The following ENPP2 variants were observed in gnomAD, a reference collection of about 807,000 sequenced individuals.
The protein encoded by ENPP2 is ectonucleotide pyrophosphatase/phosphodiesterase 2, also known as autotaxin.
In ENPP2, 51 loss-of-function variants were observed where a neutral mutation model predicts 120.2. The ratio of observed to expected loss-of-function variants is 0.42; its 90% CI spans 0.34 to 0.54. The LOEUF (loss-of-function observed/expected upper bound fraction) is 0.54. Ranked by LOEUF, ENPP2 falls within the 20% of genes least tolerant of loss-of-function variation. The pLI is 0.04. For synonymous variants in ENPP2, 365 were observed against 366.4 expected, an observed-to-expected ratio of 1.00 and a Z score of 0.04; for missense variants, 920 against 1,066.5, an observed-to-expected ratio of 0.86 and a Z score of 1.91.
In ENPP2 at chr8:119,582,351, T is replaced by G. The variant is rs111293596; in HGVS notation, c.1728+67A>C. 1.7e-4 allele frequency: 206 copies of G among 1,247,856 alleles called. No individual in the cohort carries two copies. In the Middle Eastern group the frequency reaches 5.9e-3, roughly 36 times the overall value. The allele number at this position is 1,247,856 out of a possible 1,614,324, so 77.3% of individuals were successfully genotyped here. Reference sequence around the variant, plus strand: ...AGACCATGTCCATTGTCACAGAAAGTTCTATGGGCCAGCACTGTTAGCCAC... The same window carrying G: ...AGACCATGTCCATTGTCACAGAAAGGTCTATGGGCCAGCACTGTTAGCCAC... On this transcript the variant is annotated intron_variant, in intron 18 of 24. Transcript: ENST00000075322.
chr8:119,628,376 A>ATTTCTATTACTAGAAAT (rs1563751777), intron 2 of ENPP2, among the ~76,000 whole-genome samples: 1 of 152,244 alleles, frequency 6.6e-6, no homozygotes, highest in African/African-American at 2.4e-5. Flanking sequence ...TCACCCAGAA[A>ATTTCTATTACTAGAAAT]TTCTATTACT....
At chr8:119,586,595 A>G (rs1563698703) in intron 14 of ENPP2, among the ~76,000 whole-genome samples, 1 of 151,968 alleles carries the variant, frequency 6.6e-6, no homozygotes, top group Non-Finnish European at 1.5e-5. Context: ...TCACACTCCA[A>G]GGCCTTTCCC....
At chr8:119,599,932 G>A (rs1476249134) in intron 11 of ENPP2, among the ~76,000 whole-genome samples, 2 of 151,552 alleles carry the variant, frequency 1.3e-5, no homozygotes, top group African/African-American at 4.9e-5. Flanking sequence ...ACTTGAACCT[G>A]GGAGGTGGAG....
intron 22 of ENPP2, among the ~76,000 whole-genome samples, chr8:119,567,883 T>C (rs1410644735): frequency 6.6e-6 from 1 of 152,220 alleles, no homozygotes; most frequent in Non-Finnish European, 1.5e-5. Flanking sequence ...GTTTCTACCA[T>C]GCATGACCTG....
At position 119,617,557 on chromosome 8, in the gene ENPP2, A is replaced by G. The variant is rs1587491930; in HGVS notation, c.486T>C (p.Val162=). ...CGGAGAAGATGATTAATGGAGGGCG[A>G]ACAAACCTTAAACAGTAACACATTA... ...IKAAECPAGF[V]RPPLIIFSVD... Residue 162 remains valine, a synonymous_variant, in exon 6 of 25, where the codon GTT becomes GTC. Transcript: ENST00000075322. The G allele has an allele frequency of 1.2e-6, 2 of 1,610,040 alleles. No homozygotes were observed. Among genetic ancestry groups the G allele is most frequent in the South Asian group, 1.1e-5 (1 of 90,936 alleles).
At chr8:119,569,153 C>T in intron 21 of ENPP2, 82 bp downstream of exon 21, 2 of 1,379,994 alleles carry the variant, frequency 1.4e-6, no homozygotes, top group Non-Finnish European at 2.0e-6. Flanking sequence ...GAAGAAAACC[C>T]AAGCCACTGA....
chr8:119,655,478 G>A (rs1817743483), intron 1 of ENPP2, among the ~76,000 whole-genome samples: 1 of 152,188 alleles, frequency 6.6e-6, no homozygotes, highest in South Asian at 2.1e-4. Context: ...TGACTTGGAT[G>A]CTCACTAGCT....
rs762531230 is a variant in ENPP2, at chr8:119,570,691, A to AT, written c.1917+13dup. 8.9e-6 allele frequency: 13 copies of AT among 1,461,474 alleles called. No homozygotes were observed. The African/African-American group carries it at 1.7e-4, about 20-fold the overall frequency. 90.5% of individuals were successfully genotyped at this position (1,461,474 alleles called of 1,614,324 possible). ...AATAAAATAAAAAATATAAAATCCA[A>AT]TTTTCTCAATGACCTGTTTGGAAAC... On this transcript the variant is annotated intron_variant, in intron 20 of 24. Transcript: ENST00000075322.
intron 4 of ENPP2, among the ~76,000 whole-genome samples, chr8:119,620,638 T>C (rs1815825062): frequency 6.6e-6 from 1 of 152,254 alleles, no homozygotes; most frequent in Non-Finnish European, 1.5e-5. Flanking sequence ...TCAACTTCTA[T>C]AAGTGGGTTG....
chr8:119,569,256 A>G lies in ENPP2; in HGVS notation c.2032T>C (p.Tyr678His), dbSNP rs775211088. Residue 678 changes from tyrosine (Y) to histidine (H), a missense_variant, in exon 21 of 25, where the codon TAC (tyrosine) becomes CAC (histidine). Coordinates refer to ENST00000075322, the MANE Select transcript of ENPP2 (RefSeq NM_001040092.3). ...LAYKNDKQMS[Y>H]GFLFPPYLSS... is the part of the protein sequence containing the mutation. ...TTACAAGGAGGAAAGAGGAATCCGTAGGACATCTGCTTATCATTTTTGTAG... is the reference window on the plus strand; with the variant it reads ...TTACAAGGAGGAAAGAGGAATCCGTGGGACATCTGCTTATCATTTTTGTAG... 1 of 1,614,092 alleles carries G rather than the reference A, an allele frequency of 6.2e-7. No homozygotes were observed. The highest frequency in any genetic ancestry group is 8.5e-7 in the Non-Finnish European group (1 of 1,179,934).
intron 19 of ENPP2, among the ~76,000 whole-genome samples, chr8:119,576,876 C>A (rs1188480439): frequency 6.6e-6 from 1 of 152,132 alleles, no homozygotes; most frequent in Non-Finnish European, 1.5e-5. Flanking sequence ...TAGCAAGCAG[C>A]TTAGATGGCC....
chr8:119,601,981 G>A (rs6987232), intron 9 of ENPP2, among the ~76,000 whole-genome samples: 6 of 151,926 alleles, frequency 3.9e-5, no homozygotes, highest in Non-Finnish European at 7.4e-5. Flanking sequence ...TGTCCAGTGC[G>A]TAAGACACAG....
intron 4 of ENPP2, among the ~76,000 whole-genome samples, chr8:119,620,383 G>A (rs1303637708): frequency 1.3e-5 from 2 of 152,138 alleles, no homozygotes; most frequent in Non-Finnish European, 2.9e-5. Flanking sequence ...CATAATTATT[G>A]GGTAGGGGAA....
chr8:119,564,891 G>T lies in ENPP2; in HGVS notation c.2196C>A (p.Asn732Lys), dbSNP rs755611358. ...KKYASERNGV[N>K]VISGPIFDYD... ...AGTCGAAGATTGGTCCACTTATCAC[G>T]TTAACTCCATTTCTTTCCGAAGCAT... The change falls in exon 23 of 25, where the codon AAC becomes AAA. Residue 732 changes from asparagine to lysine, a missense_variant. Transcript: ENST00000075322. The T allele has an allele frequency of 6.2e-7, 1 of 1,612,244 alleles. No individual in the cohort carries two copies. The highest frequency in any genetic ancestry group is 1.1e-5 in the South Asian group (1 of 91,028).
intron 18 of ENPP2, chr8:119,580,913 A>G (rs1050139808): frequency 5.3e-5 from 8 of 152,230 alleles, no homozygotes; most frequent in Non-Finnish European, 1.0e-4. Context: ...TACAACATGC[A>G]AAACTATAGT....
intron 14 of ENPP2, among the ~76,000 whole-genome samples, chr8:119,586,559 C>T (rs891078851): frequency 6.6e-6 from 1 of 152,008 alleles, no homozygotes; most frequent in African/African-American, 2.4e-5. Context: ...GCATTCCTGG[C>T]TTGTGAGACC....
rs1165307240 is a variant in ENPP2, at chr8:119,562,917, G to T, written c.2361C>A (p.Gly787=). 2 of 1,614,042 alleles carry T rather than the reference G, an allele frequency of 1.2e-6. No homozygotes were observed. The highest frequency in any genetic ancestry group is 1.7e-6 in the Non-Finnish European group (2 of 1,180,014). Residue 787 remains glycine (G), a synonymous_variant, in exon 24 of 25, where the codon GGC becomes GGA. Coordinates refer to ENST00000075322, the MANE Select transcript of ENPP2 (RefSeq NM_001040092.3). The part of the protein sequence containing the change: ...DFTQPADKCD[G]PLSVSSFILP... The stretch of plus-strand genomic sequence containing the variant: ...GGATGAAGGAGGACACAGAGAGAGG[G>T]CCGTCACACTTGTCGGCAGGCTGAG...
At chr8:119,659,360 C>A (rs969314927) in intron 1 of ENPP2, among the ~76,000 whole-genome samples, 5 of 139,458 alleles carry the variant, frequency 3.6e-5, no homozygotes, top group African/African-American at 5.3e-5. Context: ...AGAATTTTCT[C>A]ACTTCCTAGT....
intron 22 of ENPP2, among the ~76,000 whole-genome samples, chr8:119,567,755 T>C (rs960407990): frequency 2.0e-5 from 3 of 152,324 alleles, no homozygotes; most frequent in South Asian, 2.1e-4. Context: ...ATAGATGCTG[T>C]TAAATATCAA....
Sources: gnomAD v4.1 joint callset for allele counts (sites outside exome capture counted in the v4.1 genomes callset) on GRCh38, gnomAD v4.1.1 for gene constraint, MANE v1.5 for transcripts, NCBI Gene and HGNC (gene_info 2026-07-23, HGNC 2026-07-21) for gene names.